MYSM1: variants seen among roughly 807,000 people sequenced by gnomAD.
The protein encoded by MYSM1 is Myb like, SWIRM and MPN domains 1.
MYSM1 carries 51 observed loss-of-function variants against 116.0 expected under a neutral mutation model. The ratio of observed to expected loss-of-function variants is 0.44; its 90% CI spans 0.35 to 0.56. The LOEUF (loss-of-function observed/expected upper bound fraction) is 0.56, where lower values mean the gene tolerates loss of function less well. Ranked by LOEUF, MYSM1 falls within the 20% of genes least tolerant of loss-of-function variation. MYSM1 has a pLI of 0.00. For missense variants in MYSM1, 900 were observed against 974.9 expected, an observed-to-expected ratio of 0.92 and a Z score of 1.02; for synonymous variants, 313 against 315.2, an observed-to-expected ratio of 0.99 and a Z score of 0.07.
chr1:58,673,037 TACA>T (rs889007031), intron 11 of MYSM1, among the ~76,000 whole-genome samples: 1 of 152,178 alleles, frequency 6.6e-6, no homozygotes, highest in African/African-American at 2.4e-5. Context: ...GTTTCTTTCT[TACA>T]ACAATACTTT....
At chr1:58,681,720 G>T in intron 8 of MYSM1, 65 bp downstream of exon 8, 1 of 1,416,848 alleles carries the variant, frequency 7.1e-7, no homozygotes, top group Non-Finnish European at 9.4e-7. Context: ...TTCTGTATAG[G>T]CCTAATTAAA....
chr1:58,678,341 T>G (rs1032409580), intron 8 of MYSM1, among the ~76,000 whole-genome samples: 3 of 152,148 alleles, frequency 2.0e-5, no homozygotes, highest in Admixed American at 6.5e-5. Flanking sequence ...GGCAAGAGTA[T>G]GGCTACCAAG....
intron 5 of MYSM1, 140 bp downstream of exon 5, chr1:58,690,086 T>C: frequency 1.5e-6 from 1 of 662,540 alleles, no homozygotes; most frequent in East Asian, 3.2e-5. Flanking sequence ...CACTCCAACA[T>C]CTTTATTAAA....
chr1:58,667,611 A>G (rs1301930905), intron 15 of MYSM1, among the ~76,000 whole-genome samples: 1 of 151,778 alleles, frequency 6.6e-6, no homozygotes, highest in African/African-American at 2.4e-5. Flanking sequence ...TTTACTAATA[A>G]AGGTAATGAG....
chr1:58,693,007 T>C (rs1644924037), intron 2 of MYSM1, 76 bp from the exon 3 acceptor site: 3 of 1,149,692 alleles, frequency 2.6e-6, no homozygotes, highest in East Asian at 2.4e-5. Context: ...TAAAGAAAAA[T>C]ACATGTTATA....
Position 58,672,946 on chromosome 1 carries a change from A to G in MYSM1, c.1572+627T>C, listed in dbSNP as rs1644586048. ...TTGAGGGCAGGGAATGCGGAGGAGG[A>G]AAGAGAACTCAAGTTTGAGTACTTT... On this transcript the variant is annotated intron_variant, in intron 11 of 19. Coordinates refer to ENST00000472487, the MANE Select transcript of MYSM1 (RefSeq NM_001085487.3). 2.6e-5 allele frequency among the ~76,000 whole-genome samples: 4 copies of G among 152,218 alleles called. No individual in the cohort carries two copies. The South Asian group carries it at 6.2e-4, about 24-fold the overall frequency.
intron 1 of MYSM1, among the ~76,000 whole-genome samples, chr1:58,697,434 G>A (rs1284568556): frequency 6.6e-6 from 1 of 152,086 alleles, no homozygotes; most frequent in East Asian, 1.9e-4. Context: ...AATTTCATAT[G>A]GTTCAACCTA....
In MYSM1 at chr1:58,662,774, C is replaced by G. The variant is rs931605427; in HGVS notation, c.2165-1263G>C. On this transcript the variant is annotated intron_variant, in intron 17 of 19. Coordinates refer to ENST00000472487, the MANE Select transcript of MYSM1 (RefSeq NM_001085487.3). The stretch of plus-strand genomic sequence containing the variant: ...AGGTGTTTGGAAGGAAAGGGGACAG[C>G]AAGCCTGATGATGATGACTGATCTT... 7.9e-5 allele frequency among the ~76,000 whole-genome samples: 12 copies of G among 152,186 alleles called. No homozygotes were observed. The South Asian group carries it at 1.9e-3, about 24-fold the overall frequency.
chr1:58,658,135 G>T lies in MYSM1; in HGVS notation c.*1862C>A, dbSNP rs1569680340. The T allele has an allele frequency of 6.6e-6, 1 of 152,112 alleles. No homozygotes were observed. The highest frequency in any genetic ancestry group is 1.5e-5 in the Non-Finnish European group (1 of 68,034). 9.4% of individuals were successfully genotyped at this position (152,112 alleles called of 1,614,324 possible). The stretch of plus-strand genomic sequence containing the variant: ...TAAAATTCAGGCCCTTGATTTACTG[G>T]TGAGGAGCATGGGGTCCAGGTTATG... On this transcript the variant is annotated 3_prime_UTR_variant, in exon 20 of 20. Transcript: ENST00000472487.
At chr1:58,689,196 G>A (rs888196649) in intron 5 of MYSM1, 80 bp from the exon 6 acceptor site, 88 of 1,024,978 alleles carry the variant, frequency 8.6e-5, no homozygotes, top group Non-Finnish European at 1.1e-4. Flanking sequence ...GTTATAGATA[G>A]CCATGGGCTA....
chr1:58,686,678 T>G (rs1485851004), intron 6 of MYSM1, among the ~76,000 whole-genome samples: 1 of 152,172 alleles, frequency 6.6e-6, no homozygotes, highest in African/African-American at 2.4e-5. Flanking sequence ...GAGATCAACT[T>G]GATGAAAAAC....
intron 10 of MYSM1, among the ~76,000 whole-genome samples, chr1:58,674,131 G>A (rs1283098698): frequency 2.0e-5 from 3 of 152,098 alleles, no homozygotes; most frequent in African/African-American, 7.2e-5. Context: ...CCCGGTTCGA[G>A]TGATTCTCCT....
intron 1 of MYSM1, among the ~76,000 whole-genome samples, chr1:58,697,387 A>C (rs1393932180): frequency 1.3e-5 from 2 of 152,168 alleles, no homozygotes; most frequent in African/African-American, 4.8e-5. Flanking sequence ...TTCGGGAAAC[A>C]TCAGCTGGCA....
intron 9 of MYSM1, among the ~76,000 whole-genome samples, 195 bp from the exon 10 acceptor site, chr1:58,675,775 A>C (rs1644641686): frequency 6.6e-6 from 1 of 152,230 alleles, no homozygotes; most frequent in African/African-American, 2.4e-5. Context: ...TAAATGGAAT[A>C]TTTAGAAAAT....
Position 58,689,127 on chromosome 1 carries a change from A to G in MYSM1, c.321-11T>C. The G allele has an allele frequency of 2.5e-6, 4 of 1,584,304 alleles. No homozygotes were observed. The South Asian group carries it at 4.7e-5, about 19-fold the overall frequency. ...GTAGGAGAGTGTACCCTGAGGGGAA[A>G]AAAAGGAATTGCAAAAAAAATTTCT... On this transcript the variant is annotated splice_polypyrimidine_tract_variant and intron_variant, in intron 5 of 19. Transcript: ENST00000472487.
rs1644318534 is a variant in MYSM1, at chr1:58,656,324, A to G, written c.*3673T>C. The G allele has an allele frequency of 6.6e-6, 1 of 152,152 alleles. No individual in the cohort carries two copies. Among genetic ancestry groups the G allele is most frequent in the Admixed American group, 6.6e-5 (1 of 15,262 alleles). The allele number at this position is 152,152 out of a possible 1,614,324, so 9.4% of individuals were successfully genotyped here. Reference sequence around the variant, plus strand: ...AAACATGCATGGTCTGTCCATCTCTATTTTACAGGCCTAGCTTTCAACAAA... The same window carrying G: ...AAACATGCATGGTCTGTCCATCTCTGTTTTACAGGCCTAGCTTTCAACAAA... On this transcript the variant is annotated 3_prime_UTR_variant, in exon 20 of 20. Transcript: ENST00000472487.
Position 58,658,995 on chromosome 1 carries a change from A to ACACACACACACACACACAC in MYSM1, c.*1001_*1002insGTGTGTGTGTGTGTGTGTG, listed in dbSNP as rs1553134052. On this transcript the variant is annotated 3_prime_UTR_variant, in exon 20 of 20. Coordinates refer to ENST00000472487, the MANE Select transcript of MYSM1 (RefSeq NM_001085487.3). ...CACACACACACACACACACACACAC[A>ACACACACACACACACACAC]AAGAAGAATGTCTCATAGACATCAT... is the stretch of plus-strand genomic sequence containing the variant. 1 of 151,466 alleles carries ACACACACACACACACACAC rather than the reference A, an allele frequency of 6.6e-6. No homozygotes were observed. The highest frequency in any genetic ancestry group is 1.5e-5 in the Non-Finnish European group (1 of 67,900). The allele number at this position is 151,466 out of a possible 1,614,324, so 9.4% of individuals were successfully genotyped here.
chr1:58,696,433 C>T (rs1380551988), intron 1 of MYSM1, among the ~76,000 whole-genome samples: 2 of 152,168 alleles, frequency 1.3e-5, no homozygotes, highest in Non-Finnish European at 2.9e-5. Flanking sequence ...TGCTACTCTT[C>T]TATTGTTCAC....
At chr1:58,671,029 G>GT (rs1644552435) in intron 12 of MYSM1, among the ~76,000 whole-genome samples, 1 of 152,184 alleles carries the variant, frequency 6.6e-6, no homozygotes, top group African/African-American at 2.4e-5. Flanking sequence ...CGACAACTGT[G>GT]TAAGTTTTAT....
Sources: gnomAD v4.1 joint callset for allele counts (sites outside exome capture counted in the v4.1 genomes callset) on GRCh38, gnomAD v4.1.1 for gene constraint, MANE v1.5 for transcripts, NCBI Gene and HGNC (gene_info 2026-07-23, HGNC 2026-07-21) for gene names.